ZSCAN5A: variants seen among roughly 807,000 people sequenced by gnomAD.
ZSCAN5A encodes zinc finger and SCAN domain containing 5A, also known as zinc finger and SCAN domain-containing protein 5A.
ZSCAN5A carries 12 observed loss-of-function variants against 23.7 expected under a neutral mutation model. That is an observed-to-expected ratio of 0.51 (90% CI 0.32 to 0.82). The LOEUF is 0.82. ZSCAN5A is among the 40% of genes least tolerant of loss of function. The pLI, the probability that ZSCAN5A is intolerant of heterozygous loss-of-function variation, is 0.03. For synonymous variants in ZSCAN5A, 257 were observed against 239.9 expected, an observed-to-expected ratio of 1.07 and a Z score of -0.66; for missense variants, 597 against 617.9, an observed-to-expected ratio of 0.97 and a Z score of 0.36.
chr19:56,241,033 C>T lies in ZSCAN5A; in HGVS notation c.-127-15860G>A, dbSNP rs1055393331. ...GCACTCCACTTGTTAAAAAGCATCA[C>T]TGGATTTTCCCTTTCCACAGGGTAA... On this transcript the variant is annotated intron_variant, in intron 2 of 5. Transcript: ENST00000683990. Among the ~76,000 whole-genome samples, 5 of 152,328 alleles carry T rather than the reference C, an allele frequency of 3.3e-5. No individual in the cohort carries two copies. In the South Asian group the frequency reaches 6.2e-4, roughly 19 times the overall value.
intron 2 of ZSCAN5A, among the ~76,000 whole-genome samples, chr19:56,275,586 T>A (rs975068516): frequency 2.6e-5 from 4 of 152,152 alleles, no homozygotes; most frequent in East Asian, 1.9e-4. Context: ...TAAGAATAAA[T>A]AAAAAGTATT....
At chr19:56,233,330 T>C (rs2034617043) in intron 2 of ZSCAN5A, among the ~76,000 whole-genome samples, 1 of 152,122 alleles carries the variant, frequency 6.6e-6, no homozygotes, top group South Asian at 2.1e-4. Flanking sequence ...AACATCATTG[T>C]CTATAAAAAC....
At chr19:56,315,044 A>AT (rs34959902), upstream of ZSCAN5A, 71,978 of 152,020 alleles carry the variant, frequency 0.47, 17,218 homozygotes, top group Middle Eastern at 0.68. Context: ...TAGTGCAGGC[A>AT]TTTTATTCTA....
Position 56,225,181 on chromosome 19 carries a change from G to A in ZSCAN5A, c.-127-8C>T, listed in dbSNP as rs1599985030. On this transcript the variant is annotated splice_region_variant and splice_polypyrimidine_tract_variant and intron_variant, in intron 2 of 5. Transcript: ENST00000683990. Reference sequence around the variant, plus strand: ...CACTGTTCATTCAGAAGTCTGGGGGGGAAAAGTATGAGCCTCATTAGTTTA... The same window carrying A: ...CACTGTTCATTCAGAAGTCTGGGGGAGAAAAGTATGAGCCTCATTAGTTTA... 2 of 1,370,116 alleles carry A rather than the reference G, an allele frequency of 1.5e-6. No homozygotes were observed. Among genetic ancestry groups the A allele is most frequent in the Admixed American group, 3.4e-5 (1 of 29,548 alleles). 84.9% of individuals were successfully genotyped at this position (1,370,116 alleles called of 1,614,324 possible).
chr19:56,359,107 C>T (rs1362266753), intron 2 of ZSCAN5A, among the ~76,000 whole-genome samples: 1 of 151,040 alleles, frequency 6.6e-6, no homozygotes, highest in African/African-American at 2.4e-5. Flanking sequence ...AGACACAAAA[C>T]ACCCTTCAAA....
chr19:56,229,132 T>G (rs1490698588), intron 2 of ZSCAN5A, among the ~76,000 whole-genome samples: 1 of 152,188 alleles, frequency 6.6e-6, no homozygotes, highest in Non-Finnish European at 1.5e-5. Flanking sequence ...TAGGCAGGAT[T>G]AGATTACAAT....
rs116200132 is a variant in ZSCAN5A, at chr19:56,277,612, T to C, written c.-128+35671A>G. Reference sequence around the variant, plus strand: ...GTGATTAAAGCCTCTAAAACTGGTGTAGTGATGGTCGTACAAGTCTGAGTA... The same window carrying C: ...GTGATTAAAGCCTCTAAAACTGGTGCAGTGATGGTCGTACAAGTCTGAGTA... On this transcript the variant is annotated intron_variant, in intron 2 of 5. Transcript: ENST00000683990. Among the ~76,000 whole-genome samples, 712 of 152,200 alleles carry C rather than the reference T, an allele frequency of 4.7e-3. 10 individuals are homozygous for C. Among genetic ancestry groups the C allele is most frequent in the African/African-American group, 0.016 (672 of 41,516 alleles).
At chr19:56,270,149 G>GA (rs11350502) in intron 2 of ZSCAN5A, among the ~76,000 whole-genome samples, 18,636 of 145,626 alleles carry the variant, frequency 0.13, 1,521 homozygotes, top group Middle Eastern at 0.21. Context: ...CACGCTGGGT[G>GA]AAAAAAAAAA....
At chr19:56,305,163 C>T (rs577970186) in intron 2 of ZSCAN5A, among the ~76,000 whole-genome samples, 2 of 152,292 alleles carry the variant, frequency 1.3e-5, no homozygotes, top group East Asian at 3.9e-4. Context: ...TCAGTACACT[C>T]AAAATATTGT....
chr19:56,343,214 A>G (rs2041608303), intron 2 of ZSCAN5A: 3 of 786,878 alleles, frequency 3.8e-6, no homozygotes, highest in Non-Finnish European at 6.5e-6. Context: ...AGTTATATCC[A>G]AAGCAACTTC....
chr19:56,284,180 T>A (rs759527150), intron 2 of ZSCAN5A: 11 of 985,468 alleles, frequency 1.1e-5, no homozygotes, highest in Non-Finnish European at 1.3e-5. Context: ...CTGACTCTCC[T>A]GGATGGGCTG....
intron 2 of ZSCAN5A, among the ~76,000 whole-genome samples, chr19:56,238,119 C>T (rs367947961): frequency 6.6e-6 from 1 of 151,398 alleles, no homozygotes; most frequent in Non-Finnish European, 1.5e-5. Flanking sequence ...CGAACACACA[C>T]CCACACACAG....
chr19:56,236,039 T>C (rs2034882306), intron 2 of ZSCAN5A, among the ~76,000 whole-genome samples: 1 of 82,818 alleles, frequency 1.2e-5, no homozygotes, highest in Non-Finnish European at 2.4e-5. Context: ...CAACCTCTGA[T>C]GGACGGTGGG....
intron 2 of ZSCAN5A, chr19:56,310,167 G>A (rs2040947038): frequency 6.6e-6 from 1 of 152,312 alleles, no homozygotes; most frequent in South Asian, 2.1e-4. Context: ...CTCCATCTCA[G>A]CTTAGCCTTC....
At chr19:56,302,737 G>C in intron 2 of ZSCAN5A, 1 of 378,952 alleles carries the variant, frequency 2.6e-6, no homozygotes, top group Non-Finnish European at 4.6e-6. Flanking sequence ...CTCTAGACTG[G>C]GATAAAACTT....
At chr19:56,269,184 C>G (rs978467285) in intron 2 of ZSCAN5A, among the ~76,000 whole-genome samples, 33 of 152,146 alleles carry the variant, frequency 2.2e-4, no homozygotes, top group African/African-American at 8.0e-4. Context: ...CTATATTTAA[C>G]TTTTTGAGAA....
intron 2 of ZSCAN5A, among the ~76,000 whole-genome samples, chr19:56,302,427 TCTCCCTTC>T (rs1319597809): frequency 8.0e-6 from 1 of 125,262 alleles, no homozygotes; most frequent in East Asian, 2.6e-4. Context: ...TCCCTCCCTT[TCTCCCTTC>T]CTTCCTTTCT....
chr19:56,264,644 G>A (rs79231657), intron 2 of ZSCAN5A, among the ~76,000 whole-genome samples: 2,217 of 152,248 alleles, frequency 0.015, 54 homozygotes, highest in African/African-American at 0.049. Flanking sequence ...AAGTTCTATT[G>A]GAACATAGCT....
rs535254995 is a variant in ZSCAN5A, at chr19:56,223,960, A to G, written c.385-126T>C. 32 of 893,360 alleles carry G rather than the reference A, an allele frequency of 3.6e-5. No homozygotes were observed. The South Asian group carries it at 5.1e-4, about 14-fold the overall frequency. 55.3% of individuals were successfully genotyped at this position (893,360 alleles called of 1,614,324 possible). On this transcript the variant is annotated intron_variant, in intron 3 of 5. Transcript: ENST00000683990. The stretch of plus-strand genomic sequence containing the variant: ...ATGTTCAAATCTGCCTTCCCAATAG[A>G]GAGTCAGCTCTGTGGACACAGCAAT...
Sources: allele counts gnomAD v4.1 joint callset (sites outside exome capture counted in the v4.1 genomes callset), GRCh38; gene constraint gnomAD v4.1.1; transcripts MANE v1.5; gene names NCBI Gene and HGNC (gene_info 2026-07-23, HGNC 2026-07-21).